CLDN10: variants seen among roughly 807,000 people sequenced by gnomAD.
CLDN10 encodes claudin 10, also known as claudin-10.
CLDN10 carries 15 observed loss-of-function variants against 22.9 expected under a neutral mutation model. The observed-to-expected ratio is 0.65, with a 90% CI of 0.44 to 1.01. CLDN10 has a LOEUF of 1.01. Ranked by LOEUF, CLDN10 falls within the 50% of genes least tolerant of loss-of-function variation. CLDN10 has a pLI of 0.00. For synonymous variants in CLDN10, 114 were observed against 111.4 expected (o/e 1.02, Z -0.15); for missense variants, 247 against 287.8 (o/e 0.86, Z 1.03).
At chr13:95,549,750 A>G (rs916538108), upstream of CLDN10, among the ~76,000 whole-genome samples, 1 of 152,214 alleles carries the variant, frequency 6.6e-6, no homozygotes, top group Non-Finnish European at 1.5e-5. Context: ...TAGAAAGGAG[A>G]AAGGAAAATT....
chr13:95,471,356 A>ATGTGTGTG (rs1296875010), intron 1 of CLDN10, among the ~76,000 whole-genome samples: 19 of 116,230 alleles, frequency 1.6e-4, no homozygotes, highest in African/African-American at 6.0e-4. Context: ...TTATGGATAT[A>ATGTGTGTG]TATGTGTGTG....
chr13:95,532,345 G>A (rs1022558332), intron 1 of CLDN10, among the ~76,000 whole-genome samples: 3 of 152,032 alleles, frequency 2.0e-5, no homozygotes, highest in Non-Finnish European at 2.9e-5. Context: ...ATTTGGACAG[G>A]CACTTCACAA....
At chr13:95,446,076 T>C (rs898016072) in intron 1 of CLDN10, among the ~76,000 whole-genome samples, 1 of 152,086 alleles carries the variant, frequency 6.6e-6, no homozygotes, top group Non-Finnish European at 1.5e-5. Context: ...GGAGAAGATA[T>C]TGGGTAGATG....
At chr13:95,560,568 A>G (rs553863173) in intron 3 of CLDN10, 105 bp downstream of exon 3, 31 of 825,824 alleles carry the variant, frequency 3.8e-5, no homozygotes, top group Non-Finnish European at 5.6e-5. Flanking sequence ...AAAGTAAGAC[A>G]TACTGATAAA....
At chr13:95,496,372 T>A (rs1566301320) in intron 1 of CLDN10, among the ~76,000 whole-genome samples, 2 of 152,248 alleles carry the variant, frequency 1.3e-5, no homozygotes, top group African/African-American at 2.4e-5. Context: ...GCAGGACTTT[T>A]CAGAGTCTTT....
At chr13:95,493,985 A>G (rs116562942) in intron 1 of CLDN10, among the ~76,000 whole-genome samples, 1,617 of 152,330 alleles carry the variant, frequency 0.011, 25 homozygotes, top group African/African-American at 0.037. Context: ...TCGCTCATTC[A>G]TAAATATCTT....
chr13:95,526,617 G>T (rs149667155), intron 1 of CLDN10, among the ~76,000 whole-genome samples: 2,078 of 151,954 alleles, frequency 0.014, 31 homozygotes, highest in South Asian at 0.031. Context: ...GTGAAACTCC[G>T]TCTCTATTAA....
intron 1 of CLDN10, among the ~76,000 whole-genome samples, chr13:95,470,787 C>A (rs756639654): frequency 6.6e-6 from 1 of 152,252 alleles, no homozygotes; most frequent in East Asian, 1.9e-4. Context: ...ACTGATACCC[C>A]CTCCCACTCC....
chr13:95,488,320 G>A (rs2042828240), intron 1 of CLDN10, among the ~76,000 whole-genome samples: 1 of 151,194 alleles, frequency 6.6e-6, no homozygotes, highest in African/African-American at 2.4e-5. Context: ...AGAATTACAG[G>A]TGTGAACCAC....
intron 1 of CLDN10, among the ~76,000 whole-genome samples, chr13:95,537,461 C>T (rs994426399): frequency 1.3e-5 from 2 of 152,046 alleles, no homozygotes; most frequent in African/African-American, 2.4e-5. Flanking sequence ...AATTTGTGTA[C>T]GTTTTCTGAT....
intron 1 of CLDN10, among the ~76,000 whole-genome samples, chr13:95,555,571 T>C (rs544932909): frequency 6.6e-6 from 1 of 152,374 alleles, no homozygotes; most frequent in Non-Finnish European, 1.5e-5. Context: ...AAATTTATGA[T>C]GCCTTTTCTC....
At chr13:95,537,255 G>T (rs1025986020) in intron 1 of CLDN10, among the ~76,000 whole-genome samples, 1 of 152,160 alleles carries the variant, frequency 6.6e-6, no homozygotes, top group Non-Finnish European at 1.5e-5. Context: ...GACTTTGTGT[G>T]GGGTTGGTTA....
chr13:95,575,346 T>G (rs1252445438), intron 3 of CLDN10, among the ~76,000 whole-genome samples: 1 of 152,234 alleles, frequency 6.6e-6, no homozygotes, highest in African/African-American at 2.4e-5. Flanking sequence ...TGATGCCATC[T>G]TCTAGGATTT....
intron 1 of CLDN10, among the ~76,000 whole-genome samples, chr13:95,505,749 CTTTTT>C (rs34828390): frequency 1.2e-3 from 122 of 103,700 alleles, no homozygotes; most frequent in African/African-American, 4.0e-3. Flanking sequence ...CCTTCCCTTT[CTTTTT>C]TTTTTTTTTT....
intron 1 of CLDN10, among the ~76,000 whole-genome samples, chr13:95,459,112 G>A (rs975895307): frequency 3.3e-5 from 5 of 152,210 alleles, no homozygotes; most frequent in Admixed American, 2.6e-4. Flanking sequence ...TGCAAGAGGT[G>A]GTCTCCCATG....
intron 1 of CLDN10, among the ~76,000 whole-genome samples, chr13:95,517,148 T>A (rs1459140089): frequency 6.6e-6 from 1 of 150,842 alleles, no homozygotes; most frequent in Non-Finnish European, 1.5e-5. Flanking sequence ...TCCTCCCTTC[T>A]TTCCTTCTTT....
chr13:95,499,332 A>G (rs2042960000), intron 1 of CLDN10, among the ~76,000 whole-genome samples: 1 of 152,204 alleles, frequency 6.6e-6, no homozygotes, highest in South Asian at 2.1e-4. Context: ...ACCTGAGGTC[A>G]GGAGTTCTAG....
intron 1 of CLDN10, among the ~76,000 whole-genome samples, chr13:95,474,926 T>C (rs550825148): frequency 6.6e-6 from 1 of 151,700 alleles, no homozygotes; most frequent in East Asian, 1.9e-4. Flanking sequence ...AGGCGGTGGG[T>C]GGAGGGCCTG....
chr13:95,552,693 G>C, upstream of CLDN10: 1 of 1,524,274 alleles, frequency 6.6e-7, no homozygotes. Context: ...CCGGGGTTGG[G>C]AGTGCGGGGG....
Sources: gnomAD v4.1 joint callset for allele counts (sites outside exome capture counted in the v4.1 genomes callset) on GRCh38, gnomAD v4.1.1 for gene constraint, MANE v1.5 for transcripts, NCBI Gene and HGNC (gene_info 2026-07-23, HGNC 2026-07-21) for gene names.